Variants in ARHGAP6 observed in about 807,000 individuals in gnomAD.
The protein encoded by ARHGAP6 is rho GTPase-activating protein 6.
Under a neutral mutation model 55.7 loss-of-function variants are expected in ARHGAP6, and 16 were observed. That is an observed-to-expected ratio of 0.29 (90% confidence interval 0.19 to 0.44). The LOEUF is 0.44. Among genes scored for constraint, ARHGAP6 ranks in the 20% least tolerant of loss-of-function variants. ARHGAP6 has a pLI of 1.00. For synonymous variants in ARHGAP6, 382 were observed against 360.9 expected, an observed-to-expected ratio of 1.06 and a Z score of -0.66; for missense variants, 698 against 808.9, an observed-to-expected ratio of 0.86 and a Z score of 1.66.
At chrX:11,431,744 GAATT>G (rs1310835501) in intron 1 of ARHGAP6, among the ~76,000 whole-genome samples, 29 of 112,333 alleles carry the variant, frequency 2.6e-4, no homozygotes, top group African/African-American at 9.1e-4. Context: ...GCAGCTTAAT[GAATT>G]GTTACAAAAC....
intron 1 of ARHGAP6, among the ~76,000 whole-genome samples, chrX:11,323,962 A>G (rs1603076422): frequency 9.0e-6 from 1 of 111,144 alleles, no homozygotes; most frequent in Non-Finnish European, 1.9e-5. Context: ...GTGAGGAAAA[A>G]AATTCATCTT....
At chrX:11,545,405 A>C (rs1268844705) in intron 1 of ARHGAP6, among the ~76,000 whole-genome samples, 1 of 112,123 alleles carries the variant, frequency 8.9e-6, no homozygotes, top group Non-Finnish European at 1.9e-5. Context: ...GTTTATTCCC[A>C]TAATTTATTC....
intron 1 of ARHGAP6, among the ~76,000 whole-genome samples, chrX:11,319,090 T>C (rs1472241410): frequency 1.8e-5 from 2 of 112,465 alleles, no homozygotes; most frequent in Non-Finnish European, 3.8e-5. Flanking sequence ...GGAAATAATT[T>C]GCTCCTCTAA....
At chrX:11,358,787 T>A (rs910439980) in intron 1 of ARHGAP6, among the ~76,000 whole-genome samples, 2 of 111,895 alleles carry the variant, frequency 1.8e-5, no homozygotes, top group Non-Finnish European at 3.8e-5. Flanking sequence ...CGGCCTTAAC[T>A]ATATCTTAAT....
At chrX:11,376,504 G>C (rs916875137) in intron 1 of ARHGAP6, among the ~76,000 whole-genome samples, 3 of 112,862 alleles carry the variant, frequency 2.7e-5, no homozygotes, top group Non-Finnish European at 5.6e-5. Context: ...AGCTCAAAAG[G>C]CAGGGATCTG....
chrX:11,169,692 A>G lies in ARHGAP6; in HGVS notation c.1630-8T>C. 1 of 1,163,238 alleles carries G rather than the reference A, an allele frequency of 8.6e-7. No homozygotes were observed. The highest frequency in any genetic ancestry group is 1.2e-6 in the Non-Finnish European group (1 of 867,735). On this transcript the variant is annotated splice_polypyrimidine_tract_variant and splice_region_variant and intron_variant, in intron 8 of 12. Transcript: ENST00000337414. ...CATTTTATTCCCAGTGACCTATAAG[A>G]GAACAGAACACAAGGACTGTTGTTA...
chrX:11,491,210 GTTTAT>G (rs760662875), intron 1 of ARHGAP6, among the ~76,000 whole-genome samples: 44 of 111,647 alleles, frequency 3.9e-4, no homozygotes, highest in South Asian at 2.6e-3. Context: ...TTAATATATG[GTTTAT>G]TTTATTTTAT....
chrX:11,507,784 C>T (rs2050748868), intron 1 of ARHGAP6, among the ~76,000 whole-genome samples: 1 of 111,749 alleles, frequency 8.9e-6, no homozygotes, highest in South Asian at 3.7e-4. Flanking sequence ...CACTTTGCCC[C>T]CAGCTCCTTG....
At chrX:11,661,607 A>T (rs2052704251) in intron 1 of ARHGAP6, among the ~76,000 whole-genome samples, 1 of 112,655 alleles carries the variant, frequency 8.9e-6, no homozygotes, top group Admixed American at 9.4e-5. Flanking sequence ...CAATGGCTAA[A>T]CCTGAAGGTG....
At chrX:11,530,313 T>G (rs1420858634) in intron 1 of ARHGAP6, among the ~76,000 whole-genome samples, 2 of 112,278 alleles carry the variant, frequency 1.8e-5, no homozygotes, top group African/African-American at 6.5e-5. Context: ...TTTTAGAGTT[T>G]GTGTTCTAAT....
intron 1 of ARHGAP6, among the ~76,000 whole-genome samples, chrX:11,424,615 G>A (rs1425761005): frequency 9.0e-6 from 1 of 111,341 alleles, no homozygotes; most frequent in Non-Finnish European, 1.9e-5. Flanking sequence ...TCATCTTCTC[G>A]AATCTCTCCC....
At chrX:11,422,887 G>A (rs1348579294) in intron 1 of ARHGAP6, among the ~76,000 whole-genome samples, 1 of 111,797 alleles carries the variant, frequency 8.9e-6, no homozygotes, top group Non-Finnish European at 1.9e-5. Flanking sequence ...GAGGGGAGAT[G>A]TAGCTTCCTA....
intron 9 of ARHGAP6, among the ~76,000 whole-genome samples, chrX:11,167,244 T>G (rs1355715670): frequency 9.0e-6 from 1 of 111,156 alleles, no homozygotes; most frequent in Non-Finnish European, 1.9e-5. Flanking sequence ...TTCTAGGGAG[T>G]GGCGAACATA....
intron 4 of ARHGAP6, 49 bp from the exon 5 acceptor site, chrX:11,186,480 C>G (rs374843330): frequency 1.6e-5 from 16 of 1,007,398 alleles, no homozygotes; most frequent in Admixed American, 2.4e-5. Flanking sequence ...AGCCAAAAAA[C>G]CCAGCTGCCC....
intron 1 of ARHGAP6, among the ~76,000 whole-genome samples, chrX:11,376,655 G>C (rs748201608): frequency 2.7e-5 from 3 of 112,667 alleles, no homozygotes; most frequent in African/African-American, 9.7e-5. Flanking sequence ...ATTTATTATT[G>C]CATCAATAGA....
At chrX:11,294,943 G>T in intron 1 of ARHGAP6, 1 of 902,508 alleles carries the variant, frequency 1.1e-6, no homozygotes, top group East Asian at 3.1e-5. Context: ...AACAGTATGA[G>T]ATCAGATGTC....
chrX:11,156,575 G>C lies in ARHGAP6; in HGVS notation c.1861C>G (p.Pro621Ala). Residue 621 changes from proline (P) to alanine (A), a missense_variant, in exon 10 of 13, where the codon CCT becomes GCT. By Grantham distance (27) the Pro-to-Ala change is conservative. Transcript: ENST00000337414. ...CTGAGTAAATAGTCCACGACATCAG[G>C]ATCGGTCTCTAACAGGCTGATCAGC... is the stretch of plus-strand genomic sequence containing the variant. ...EVLISLLETD[P>A]DVVDYLLRRK... is the part of the protein sequence containing the mutation. 1.7e-6 allele frequency: 2 copies of C among 1,211,555 alleles called. No individual in the cohort carries two copies. The highest frequency in any genetic ancestry group is 2.2e-6 in the Non-Finnish European group (2 of 895,308).
At chrX:11,218,338 C>A (rs886587986) in intron 2 of ARHGAP6, among the ~76,000 whole-genome samples, 24 of 111,768 alleles carry the variant, frequency 2.1e-4, no homozygotes, top group African/African-American at 5.2e-4. Context: ...TTCTTCGTAA[C>A]CATGAGCATG....
At chrX:11,471,344 T>G (rs1168535988) in intron 1 of ARHGAP6, among the ~76,000 whole-genome samples, 1 of 112,099 alleles carries the variant, frequency 8.9e-6, no homozygotes, top group Non-Finnish European at 1.9e-5. Flanking sequence ...AAAAAATCAC[T>G]TGATCAAAGA....
Sources: allele counts gnomAD v4.1 joint callset (sites outside exome capture counted in the v4.1 genomes callset), GRCh38; gene constraint gnomAD v4.1.1; transcripts MANE v1.5; gene names NCBI Gene and HGNC (gene_info 2026-07-23, HGNC 2026-07-21).